HTR1F: variants seen among roughly 807,000 people sequenced by gnomAD.
HTR1F encodes the protein 5-hydroxytryptamine (serotonin) receptor 1F, G protein-coupled.
Under a neutral mutation model 24.0 loss-of-function variants are expected in HTR1F, and 17 were observed. The ratio of observed to expected loss-of-function variants is 0.71; its 90% confidence interval spans 0.48 to 1.06. The LOEUF is 1.06. Ranked by LOEUF, HTR1F falls within the 50% of genes least tolerant of loss-of-function variation. The pLI is 0.00. For missense variants in HTR1F, 391 were observed against 427.8 expected (o/e 0.91, Z 0.76); for synonymous variants, 186 against 156.8 (o/e 1.19, Z -1.39).
intron 2 of HTR1F, among the ~76,000 whole-genome samples, chr3:87,913,589 C>T (rs1035967751): frequency 1.3e-5 from 2 of 152,018 alleles, no homozygotes; most frequent in Non-Finnish European, 2.9e-5. Flanking sequence ...GATATATACC[C>T]AAAGAAATAT....
chr3:87,968,734 A>C (rs958458008), intron 2 of HTR1F, among the ~76,000 whole-genome samples: 10 of 152,244 alleles, frequency 6.6e-5, no homozygotes, highest in Non-Finnish European at 2.9e-5. Flanking sequence ...ATTTAAAATA[A>C]CTAATGTAGA....
intron 2 of HTR1F, among the ~76,000 whole-genome samples, chr3:87,838,825 A>G (rs1413095051): frequency 1.3e-5 from 2 of 151,014 alleles, no homozygotes; most frequent in Non-Finnish European, 2.9e-5. Flanking sequence ...CCTTCCTAAA[A>G]AAAAAAAAAA....
At chr3:87,976,357 G>A (rs1326526462) in intron 2 of HTR1F, among the ~76,000 whole-genome samples, 4 of 152,106 alleles carry the variant, frequency 2.6e-5, no homozygotes, top group Middle Eastern at 3.4e-3. Context: ...CTTAAACTGT[G>A]CCAGCTTAGC....
chr3:87,806,358 G>A (rs1039252902), intron 1 of HTR1F, among the ~76,000 whole-genome samples: 8 of 151,978 alleles, frequency 5.3e-5, no homozygotes, highest in African/African-American at 1.9e-4. Context: ...TCCTGTCAAT[G>A]TGTATAAAAG....
Position 87,991,021 on chromosome 3 carries a change from TGG to T in HTR1F, c.275_276del (p.Gly92AlafsTer5). 1.2e-6 allele frequency: 2 copies of T among 1,614,180 alleles called. No homozygotes were observed. The highest frequency in any genetic ancestry group is 1.7e-6 in the Non-Finnish European group (2 of 1,180,046). Reference sequence around the variant, plus strand: ...TATATTGTGAGAGAGAGCTGGATTATGGGGCAAGTGGTCTGTGACATTTGGCT... The same window carrying T: ...TATATTGTGAGAGAGAGCTGGATTATGGCAAGTGGTCTGTGACATTTGGCT... On this transcript the variant is annotated frameshift_variant, in exon 3 of 3. Transcript: ENST00000319595. LOFTEE classifies it high-confidence loss of function.
intron 2 of HTR1F, among the ~76,000 whole-genome samples, chr3:87,882,445 T>G (rs1359345784): frequency 1.3e-5 from 2 of 152,024 alleles, no homozygotes; most frequent in Middle Eastern, 3.4e-3. Context: ...TAGCAAAGAC[T>G]TGGAACCAAC....
intron 2 of HTR1F, among the ~76,000 whole-genome samples, chr3:87,982,188 A>G (rs1278623122): frequency 2.0e-5 from 3 of 152,156 alleles, no homozygotes; most frequent in African/African-American, 7.2e-5. Context: ...CTCCCAAAAT[A>G]CTGGGATTAC....
chr3:87,937,099 A>G (rs868071007), intron 2 of HTR1F, among the ~76,000 whole-genome samples: 1 of 151,582 alleles, frequency 6.6e-6, no homozygotes, highest in Non-Finnish European at 1.5e-5. Flanking sequence ...AAAAAAAAAA[A>G]AGAGGACGGA....
At chr3:87,949,467 AGT>A (rs1559645630) in intron 2 of HTR1F, among the ~76,000 whole-genome samples, 5 of 152,238 alleles carry the variant, frequency 3.3e-5, no homozygotes, top group African/African-American at 4.8e-5. Context: ...ATTTCCTTCA[AGT>A]CTGATGTATG....
intron 1 of HTR1F, among the ~76,000 whole-genome samples, chr3:87,801,040 A>G (rs1338574281): frequency 2.0e-5 from 3 of 152,226 alleles, no homozygotes; most frequent in Non-Finnish European, 4.4e-5. Flanking sequence ...AATTGACATT[A>G]CTATAGTTAT....
At chr3:87,922,968 A>T (rs1470966714) in intron 2 of HTR1F, among the ~76,000 whole-genome samples, 2 of 150,732 alleles carry the variant, frequency 1.3e-5, no homozygotes, top group Non-Finnish European at 3.0e-5. Flanking sequence ...GATGGGGTCT[A>T]GTTTCATTCT....
chr3:87,907,302 T>A (rs1423075576), intron 2 of HTR1F, among the ~76,000 whole-genome samples: 6 of 152,026 alleles, frequency 3.9e-5, no homozygotes, highest in African/African-American at 1.4e-4. Flanking sequence ...TGTTTTTTCA[T>A]GTTCATTGGC....
At chr3:87,942,948 G>A (rs904267101) in intron 2 of HTR1F, among the ~76,000 whole-genome samples, 3 of 152,158 alleles carry the variant, frequency 2.0e-5, no homozygotes, top group Non-Finnish European at 4.4e-5. Context: ...TGACAGAGAG[G>A]TATGCTTCCT....
intron 2 of HTR1F, among the ~76,000 whole-genome samples, chr3:87,834,170 C>G (rs1704637251): frequency 6.6e-6 from 1 of 152,074 alleles, no homozygotes; most frequent in African/African-American, 2.4e-5. Context: ...AAGTTGGATT[C>G]CTCTAATCAC....
chr3:87,989,761 A>C (rs1484514647), intron 2 of HTR1F, among the ~76,000 whole-genome samples: 6 of 152,194 alleles, frequency 3.9e-5, no homozygotes, highest in African/African-American at 1.4e-4. Flanking sequence ...TTCCCAGACC[A>C]AACCGAGGGT....
intron 2 of HTR1F, among the ~76,000 whole-genome samples, chr3:87,958,741 T>G (rs1158233317): frequency 1.3e-5 from 2 of 151,686 alleles, no homozygotes; most frequent in Non-Finnish European, 3.0e-5. Context: ...CCTTGGTTTC[T>G]GTGATGTAGT....
chr3:87,811,365 T>C (rs1704158002), intron 1 of HTR1F, among the ~76,000 whole-genome samples: 1 of 152,024 alleles, frequency 6.6e-6, no homozygotes, highest in East Asian at 1.9e-4. Context: ...AAATTGCCAT[T>C]TTAAAAAAGA....
chr3:87,896,242 C>A (rs775944195), intron 2 of HTR1F, among the ~76,000 whole-genome samples: 5 of 152,078 alleles, frequency 3.3e-5, no homozygotes, highest in Non-Finnish European at 7.4e-5. Flanking sequence ...ATGCATACAC[C>A]AATAGTCATA....
chr3:87,964,896 G>T (rs1705132191), intron 2 of HTR1F, among the ~76,000 whole-genome samples: 1 of 152,196 alleles, frequency 6.6e-6, no homozygotes, highest in Non-Finnish European at 1.5e-5. Flanking sequence ...CATGAGTGTG[G>T]ATCTTTCCCA....
Sources: gnomAD v4.1 joint callset for allele counts (sites outside exome capture counted in the v4.1 genomes callset) on GRCh38, gnomAD v4.1.1 for gene constraint, MANE v1.5 for transcripts, NCBI Gene and HGNC (gene_info 2026-07-23, HGNC 2026-07-21) for gene names.